The following S1PR3 variants were observed in gnomAD, a reference collection of about 807,000 sequenced individuals.
S1PR3 encodes sphingosine-1-phosphate receptor 3, also known as sphingosine 1-phosphate receptor 3.
In S1PR3, 12 loss-of-function variants were observed where a neutral mutation model predicts 13.3. That is an observed-to-expected ratio of 0.90 (90% CI 0.58 to 1.46). The LOEUF (loss-of-function observed/expected upper bound fraction) is 1.46, where lower values mean the gene tolerates loss of function less well. Ranked by LOEUF, S1PR3 falls within the 40% of genes most tolerant of loss-of-function variation. S1PR3 has a pLI of 0.00. For missense variants in S1PR3, 450 were observed against 501.9 expected, an observed-to-expected ratio of 0.90 and a Z score of 0.99; for synonymous variants, 232 against 214.0, an observed-to-expected ratio of 1.08 and a Z score of -0.73.
chr9:88,991,704 C>A lies in S1PR3; in HGVS notation c.-148+9C>A. ...GCCCTCAGCCGACGGAGGTGAGAGG[C>A]GGGCCCGGGCGGGGCGCGGAACCAG... On this transcript the variant is annotated intron_variant, in intron 1 of 1. Transcript: ENST00000358157. This position sits in a 1 kb window ranked among gnomAD's most constrained non-coding sequence, Gnocchi z 4.0. 1 of 1,520,868 alleles carries A rather than the reference C, an allele frequency of 6.6e-7. No individual in the cohort carries two copies. Among genetic ancestry groups the A allele is most frequent in the South Asian group, 1.2e-5 (1 of 80,022 alleles). The allele number at this position is 1,520,868 out of a possible 1,614,324, so 94.2% of individuals were successfully genotyped here.
At chr9:88,999,131 A>AT (rs954419200) in intron 1 of S1PR3, 23 of 152,466 alleles carry the variant, frequency 1.5e-4, no homozygotes, top group African/African-American at 5.5e-4. Context: ...AGCACTTGGC[A>AT]TTCCAGCTGA....
chr9:89,001,046 G>A lies in S1PR3; in HGVS notation c.-147-8G>A. The stretch of plus-strand genomic sequence containing the variant: ...CAATGGTCGCTCCCTCTTTTTATCT[G>A]TTGGCAGGAGCCCTTTTTCAACGCC... On this transcript the variant is annotated splice_polypyrimidine_tract_variant and splice_region_variant and intron_variant, in intron 1 of 1. Transcript: ENST00000358157. 1 of 794,716 alleles carries A rather than the reference G, an allele frequency of 1.3e-6. No individual in the cohort carries two copies. The highest frequency in any genetic ancestry group is 2.0e-6 in the Non-Finnish European group (1 of 500,352). 49.2% of individuals were successfully genotyped at this position (794,716 alleles called of 1,614,324 possible).
intron 1 of S1PR3, chr9:89,000,198 C>A (rs191791797): frequency 3.9e-5 from 6 of 152,260 alleles, no homozygotes; most frequent in Admixed American, 1.3e-4. Context: ...CCATTGAGGC[C>A]TTCACTCACC....
chr9:89,001,563 C>T lies in S1PR3; in HGVS notation c.363C>T (p.Ala121=), dbSNP rs1346570729. ...WFLREGSMFV[A]LGASTCSLLA... ...TCAGGGAGGGCAGTATGTTCGTGGC[C>T]CTTGGGGCGTCCACCTGCAGCTTAC... The change falls in exon 2 of 2, where the codon GCC becomes GCT. Residue 121 remains alanine (A), a synonymous_variant. Coordinates refer to ENST00000358157, the MANE Select transcript of S1PR3 (RefSeq NM_005226.4). 2 of 1,614,102 alleles carry T rather than the reference C, an allele frequency of 1.2e-6. No individual in the cohort carries two copies. The highest frequency in any genetic ancestry group is 1.3e-5 in the African/African-American group (1 of 74,936).
At chr9:88,999,426 C>A (rs1825843295) in intron 1 of S1PR3, 1 of 152,230 alleles carries the variant, frequency 6.6e-6, no homozygotes, top group Non-Finnish European at 1.5e-5. Context: ...ATACAGAAAC[C>A]ATTTGGAGCC....
Position 89,001,941 on chromosome 9 carries a change from T to A in S1PR3, c.741T>A (p.Ile247=). 12 of 1,614,160 alleles carry A rather than the reference T, an allele frequency of 7.4e-6. No homozygotes were observed. Among genetic ancestry groups the A allele is most frequent in the Non-Finnish European group, 1.0e-5 (12 of 1,180,028 alleles). The part of the protein sequence containing the change: ...RSMALLRTVV[I]VVSVFIACWS... ...TGGCACTGCTGCGGACCGTGGTGAT[T>A]GTGGTGAGCGTGTTCATCGCCTGCT... The change falls in exon 2 of 2, where the codon ATT becomes ATA. Residue 247 remains isoleucine (I), a synonymous_variant. Coordinates refer to ENST00000358157, the MANE Select transcript of S1PR3 (RefSeq NM_005226.4).
At position 88,991,606 on chromosome 9, in the gene S1PR3, C is replaced by T. The variant is rs1324799576; in HGVS notation, c.-237C>T. On this transcript the variant is annotated 5_prime_UTR_variant, in exon 1 of 2. Transcript: ENST00000358157. This position sits in a 1 kb window ranked among gnomAD's most constrained non-coding sequence, Gnocchi z 4.0. ...GAGACTGCCGGGCCTCCCAGCCCATCTGGCATTCGAGCGCAGGACCGGGCG... is the reference window on the plus strand; with the variant it reads ...GAGACTGCCGGGCCTCCCAGCCCATTTGGCATTCGAGCGCAGGACCGGGCG... 2.6e-6 allele frequency: 4 copies of T among 1,542,326 alleles called. No homozygotes were observed. The East Asian group carries it at 1.0e-4, about 39-fold the overall frequency.
chr9:89,001,370 A>G lies in S1PR3; in HGVS notation c.170A>G (p.Asn57Ser). The G allele has an allele frequency of 6.2e-7, 1 of 1,614,138 alleles. No homozygotes were observed. The highest frequency in any genetic ancestry group is 1.1e-5 in the South Asian group (1 of 91,076). The change falls in exon 2 of 2, where the codon AAC (asparagine) becomes AGC (serine). Residue 57 changes from asparagine to serine, a missense_variant. Asn to Ser is a conservative substitution (Grantham distance 46). Transcript: ENST00000358157. ...ATCTGCAGCTTCATCGTCTTGGAGAACCTGATGGTTTTGATTGCCATCTGG... is the reference window on the plus strand; with the variant it reads ...ATCTGCAGCTTCATCGTCTTGGAGAGCCTGATGGTTTTGATTGCCATCTGG... ...LVICSFIVLE[N>S]LMVLIAIWKN...
Position 88,995,718 on chromosome 9 carries a change from A to C in S1PR3, c.-148+4023A>C, listed in dbSNP as rs576824610. On this transcript the variant is annotated intron_variant, in intron 1 of 1. Coordinates refer to ENST00000358157, the MANE Select transcript of S1PR3 (RefSeq NM_005226.4). ...AAGCAGTGTCTCTCAGTAAACATGA[A>C]AAGACTGAAGATGCAGACAATCAAA... 5.4e-5 allele frequency: 9 copies of C among 167,208 alleles called. No individual in the cohort carries two copies. In the East Asian group the frequency reaches 1.5e-3, roughly 29 times the overall value. 10.4% of individuals were successfully genotyped at this position (167,208 alleles called of 1,614,324 possible).
In S1PR3 at chr9:89,001,971, C is replaced by G. The variant is rs563778691; in HGVS notation, c.771C>G (p.Ser257=). 5 of 1,614,160 alleles carry G rather than the reference C, an allele frequency of 3.1e-6. No individual in the cohort carries two copies. In the South Asian group the frequency reaches 5.5e-5, roughly 18 times the overall value. ...TGAGCGTGTTCATCGCCTGCTGGTC[C>G]CCACTCTTCATCCTCTTCCTCATTG... ...IVVSVFIACW[S]PLFILFLIDV... The change falls in exon 2 of 2, where the codon TCC becomes TCG. Residue 257 remains serine (S), a synonymous_variant. Transcript: ENST00000358157.
rs909885163 is a variant in S1PR3 at position 89,001,787 on chromosome 9, A to T, written c.587A>T (p.Tyr196Phe). Residue 196 changes from tyrosine to phenylalanine, a missense_variant, in exon 2 of 2, where the codon TAC (tyrosine) becomes TTC (phenylalanine). Tyr to Phe is a conservative substitution (Grantham distance 22). Transcript: ENST00000358157. ...STILPLYSKK[Y>F]IAFCISIFTA... is the part of the protein sequence containing the mutation. ...ATCCTGCCCCTCTACTCCAAGAAGT[A>T]CATTGCCTTCTGCATCAGCATCTTC... is the stretch of plus-strand genomic sequence containing the variant. The T allele has an allele frequency of 6.2e-7, 1 of 1,614,220 alleles. No individual in the cohort carries two copies.
intron 1 of S1PR3, chr9:88,997,322 T>G (rs1825814292): frequency 6.6e-6 from 1 of 152,248 alleles, no homozygotes; most frequent in Non-Finnish European, 1.5e-5. Context: ...TTTAATTGTT[T>G]GCTTGTTTTC....
At chr9:88,992,828 A>G (rs1232522990) in intron 1 of S1PR3, 1 of 152,062 alleles carries the variant, frequency 6.6e-6, no homozygotes, top group Non-Finnish European at 1.5e-5. Flanking sequence ...AAGTGTTCAT[A>G]TCTGTAAAGT....
chr9:88,991,651 CA>C lies in S1PR3; in HGVS notation c.-191del. ...CGGGCGCCCCGGCACCGCCGCGCGCCACCCGCTAGGATGCCGGTGGCCCCAG... is the reference window on the plus strand; with the variant it reads ...CGGGCGCCCCGGCACCGCCGCGCGCCCCCGCTAGGATGCCGGTGGCCCCAG... On this transcript the variant is annotated 5_prime_UTR_variant, in exon 1 of 2. Transcript: ENST00000358157. This position sits in a 1 kb window ranked among gnomAD's most constrained non-coding sequence, Gnocchi z 4.0. 1 of 1,520,212 alleles carries C rather than the reference CA, an allele frequency of 6.6e-7. No individual in the cohort carries two copies. The highest frequency in any genetic ancestry group is 8.8e-7 in the Non-Finnish European group (1 of 1,135,780). 94.2% of individuals were successfully genotyped at this position (1,520,212 alleles called of 1,614,324 possible).
chr9:88,991,875 G>A lies in S1PR3; in HGVS notation c.-148+180G>A, dbSNP rs749520536. 3.1e-6 allele frequency: 5 copies of A among 1,614,058 alleles called. No individual in the cohort carries two copies. In the Admixed American group the frequency reaches 8.3e-5, roughly 27 times the overall value. On this transcript the variant is annotated intron_variant, in intron 1 of 1. Coordinates refer to ENST00000358157, the MANE Select transcript of S1PR3 (RefSeq NM_005226.4). This position sits in a 1 kb window ranked among gnomAD's most constrained non-coding sequence, Gnocchi z 4.0. Reference sequence around the variant, plus strand: ...AGAGCCGCTGCAGGAACAGGGAGGAGGCCTTTTCCACCGCACCCGGAGCGT... The same window carrying A: ...AGAGCCGCTGCAGGAACAGGGAGGAAGCCTTTTCCACCGCACCCGGAGCGT...
chr9:88,997,823 A>C (rs1405887379), intron 1 of S1PR3: 1 of 152,394 alleles, frequency 6.6e-6, no homozygotes, highest in Non-Finnish European at 1.5e-5. Context: ...CAGGTCATCC[A>C]TTTGGCAGCA....
chr9:88,991,279 C>T (rs777596246), upstream of S1PR3: 251 of 1,326,964 alleles, frequency 1.9e-4, no homozygotes, highest in Non-Finnish European at 2.4e-4. The surrounding 1 kb of genome is among the most constrained non-coding windows in gnomAD (Gnocchi z 4.0). Context: ...TAGGGGCGGG[C>T]GGGGCGCACG....
At position 89,002,255 on chromosome 9, in the gene S1PR3, A is replaced by G. The variant is rs745478353; in HGVS notation, c.1055A>G (p.Lys352Arg). The G allele has an allele frequency of 4.3e-6, 7 of 1,614,180 alleles. No individual in the cohort carries two copies. Among genetic ancestry groups the G allele is most frequent in the East Asian group, 2.2e-5 (1 of 44,868 alleles). ...AATAGCAGCCACTCTCCGAAGGTCA[A>G]GGAAGACCTGCCCCACACAGCCCCC... ...SNNSSHSPKV[K>R]EDLPHTAPSS... The change falls in exon 2 of 2, where the codon AAG (lysine) becomes AGG (arginine). Residue 352 changes from lysine to arginine, a missense_variant. By Grantham distance (26) the Lys-to-Arg change is conservative. Coordinates refer to ENST00000358157, the MANE Select transcript of S1PR3 (RefSeq NM_005226.4).
chr9:88,992,778 A>C (rs979230283), intron 1 of S1PR3: 2 of 149,844 alleles, frequency 1.3e-5, no homozygotes, highest in African/African-American at 4.9e-5. Flanking sequence ...GGTGCGGGGC[A>C]TGTGTGTGTG....
Sources: gnomAD v4.1 joint callset for allele counts on GRCh38, gnomAD v4.1.1 for gene constraint, Gnocchi (gnomAD v3.1) non-coding constraint, MANE v1.5 for transcripts, NCBI Gene and HGNC (gene_info 2026-07-23, HGNC 2026-07-21) for gene names.